CYP46A1: variants seen among roughly 807,000 people sequenced by gnomAD.
CYP46A1 encodes the protein cholesterol 24-hydroxylase.
CYP46A1 carries 20 observed loss-of-function variants against 63.3 expected under a neutral mutation model. The observed-to-expected ratio is 0.32, with a 90% CI of 0.22 to 0.46. The LOEUF is 0.46. CYP46A1 is among the 20% of genes least tolerant of loss of function. The pLI is 1.00. For missense variants in CYP46A1, 445 were observed against 670.8 expected (o/e 0.66, Z 3.72); for synonymous variants, 268 against 273.6 (o/e 0.98, Z 0.20).
chr14:99,713,878 A>C (rs145531511), intron 7 of CYP46A1, among the ~76,000 whole-genome samples: 18,239 of 149,576 alleles, frequency 0.12, 1,298 homozygotes, highest in Middle Eastern at 0.17. Flanking sequence ...AAAAAAAAAA[A>C]AAAAAAAAAA....
At chr14:99,706,880 T>A in intron 6 of CYP46A1, 95 bp downstream of exon 6, 2 of 1,437,662 alleles carry the variant, frequency 1.4e-6, no homozygotes, top group South Asian at 2.7e-5. Flanking sequence ...CCCTCCCTCC[T>A]GCTCCTCTAA....
chr14:99,711,413 C>G (rs2056730770), intron 7 of CYP46A1: 1 of 151,702 alleles, frequency 6.6e-6, no homozygotes, highest in Non-Finnish European at 1.5e-5. Flanking sequence ...AAAAAGAAGA[C>G]CCATATAAAT....
chr14:99,716,019 T>C, intron 8 of CYP46A1, 59 bp downstream of exon 8: 1 of 1,603,338 alleles, frequency 6.2e-7, no homozygotes, highest in Non-Finnish European at 8.5e-7. Context: ...GTTCCCCAGG[T>C]GATACATCGC....
At chr14:99,697,149 C>G (rs1394996129) in intron 3 of CYP46A1, among the ~76,000 whole-genome samples, 1 of 152,234 alleles carries the variant, frequency 6.6e-6, no homozygotes, top group Non-Finnish European at 1.5e-5. Context: ...GGCCAGTCTT[C>G]TGAAGTTCCA....
chr14:99,695,407 T>C (rs955679489), intron 3 of CYP46A1: 2 of 424,806 alleles, frequency 4.7e-6, no homozygotes, highest in African/African-American at 4.1e-5. Flanking sequence ...TTCATAATCA[T>C]AGATTTATCT....
intron 9 of CYP46A1, among the ~76,000 whole-genome samples, chr14:99,717,258 G>A (rs916652254): frequency 1.3e-5 from 2 of 152,112 alleles, no homozygotes; most frequent in Non-Finnish European, 1.5e-5. Flanking sequence ...TATTAATCCC[G>A]TCTCGTCCCT....
intron 13 of CYP46A1, 117 bp from the exon 14 acceptor site, chr14:99,726,073 A>G: frequency 3.4e-6 from 3 of 888,884 alleles, no homozygotes; most frequent in Non-Finnish European, 5.5e-6. Flanking sequence ...CAAAGTGCCC[A>G]GCCCCTGGCT....
chr14:99,710,958 C>T (rs1039927144), intron 7 of CYP46A1: 1 of 152,054 alleles, frequency 6.6e-6, no homozygotes, highest in African/African-American at 2.4e-5. Flanking sequence ...TATCAAGTAT[C>T]TTCTCAGACC....
chr14:99,707,751 A>G lies in CYP46A1; in HGVS notation c.693+73A>G, dbSNP rs761739246. ...CTTCATTTGCTGAAGAACCTCCTTC[A>G]GTGATTTTTTTTTTTTTTCCCAGAA... On this transcript the variant is annotated intron_variant, in intron 7 of 14. Transcript: ENST00000261835. 25 of 1,304,638 alleles carry G rather than the reference A, an allele frequency of 1.9e-5. No homozygotes were observed. In the African/African-American group the frequency reaches 3.6e-4, roughly 19 times the overall value. 80.8% of individuals were successfully genotyped at this position (1,304,638 alleles called of 1,614,324 possible).
At position 99,699,997 on chromosome 14, in the gene CYP46A1, C is replaced by A; in HGVS notation, c.357-18C>A. On this transcript the variant is annotated intron_variant, in intron 4 of 14. Transcript: ENST00000261835. ...ACCCCCCACCCTCTTTCCCGCATCA[C>A]GTGTGTGTCTCCTACAGACTCTTCG... 4.7e-6 allele frequency: 5 copies of A among 1,057,818 alleles called. No individual in the cohort carries two copies. Among genetic ancestry groups the A allele is most frequent in the East Asian group, 4.5e-5 (1 of 22,430 alleles). 65.5% of individuals were successfully genotyped at this position (1,057,818 alleles called of 1,614,324 possible).
chr14:99,701,545 T>G (rs2056630446), intron 5 of CYP46A1, among the ~76,000 whole-genome samples: 1 of 152,244 alleles, frequency 6.6e-6, no homozygotes, highest in Non-Finnish European at 1.5e-5. Flanking sequence ...AAGTATACTC[T>G]ATGCTGTACA....
intron 3 of CYP46A1, among the ~76,000 whole-genome samples, chr14:99,699,165 C>T (rs1331607634): frequency 1.3e-5 from 2 of 152,086 alleles, no homozygotes; most frequent in Non-Finnish European, 2.9e-5. Context: ...TGTTTTGCTG[C>T]TTTGGAAGGT....
intron 1 of CYP46A1, 40 bp from the exon 2 acceptor site, chr14:99,691,041 G>A (rs754593932): frequency 1.6e-5 from 26 of 1,595,590 alleles, no homozygotes; most frequent in Non-Finnish European, 2.1e-5. Flanking sequence ...GTTCTTTCCT[G>A]TTGACTGCTG....
chr14:99,694,750 C>G (rs2056573229), intron 3 of CYP46A1, among the ~76,000 whole-genome samples: 1 of 152,196 alleles, frequency 6.6e-6, no homozygotes, highest in Admixed American at 6.5e-5. Context: ...ATTTGCCTGC[C>G]TCAGCCTCCC....
intron 14 of CYP46A1, 33 bp from the exon 15 acceptor site, chr14:99,726,521 CCTT>C (rs1296190423): frequency 6.6e-7 from 1 of 1,522,850 alleles, no homozygotes; most frequent in East Asian, 2.4e-5. Flanking sequence ...TGTCTTTGCT[CCTT>C]CATTCCTTCC....
At chr14:99,707,744 C>T (rs774337493) in intron 7 of CYP46A1, 66 bp downstream of exon 7, 1 of 1,405,928 alleles carries the variant, frequency 7.1e-7, no homozygotes, top group Admixed American at 2.0e-5. Context: ...GCTGAAGAAC[C>T]TCCTTCAGTG....
chr14:99,703,549 C>G, intron 5 of CYP46A1: 1 of 983,290 alleles, frequency 1.0e-6, no homozygotes. Context: ...AACCACTGTG[C>G]TTTTTCTGGC....
chr14:99,691,838 G>C lies in CYP46A1; in HGVS notation c.259G>C (p.Val87Leu), dbSNP rs781586799. Residue 87 changes from valine to leucine, a missense_variant, in exon 3 of 15, where the codon GTC becomes CTC. Around this residue, in one of 4 missense-constraint regions of CYP46A1, gnomAD observed 252 missense variants for 383.3 expected, o/e 0.66. Transcript: ENST00000261835. The part of the protein sequence containing the change: ...VNVFHKTSVI[V>L]TSPESVKKFL... Reference sequence around the variant, plus strand: ...CGTCTTCCACAAAACCTCAGTCATCGTCACGAGTCCTGAGTCGGTTAAGGT... The same window carrying C: ...CGTCTTCCACAAAACCTCAGTCATCCTCACGAGTCCTGAGTCGGTTAAGGT... 6.2e-7 allele frequency: 1 copy of C among 1,614,074 alleles called. No individual in the cohort carries two copies. Among genetic ancestry groups the C allele is most frequent in the Admixed American group, 1.7e-5 (1 of 60,008 alleles).
At chr14:99,688,364 CA>C (rs1299448960) in intron 1 of CYP46A1, among the ~76,000 whole-genome samples, 1 of 152,152 alleles carries the variant, frequency 6.6e-6, no homozygotes, top group African/African-American at 2.4e-5. Context: ...CTTCAGTCCC[CA>C]TCACCTCCCC....
Sources: gnomAD v4.1 joint callset for allele counts (sites outside exome capture counted in the v4.1 genomes callset) on GRCh38, gnomAD v4.1.1 for gene constraint, gnomAD v4.1.1 regional missense constraint, MANE v1.5 for transcripts, NCBI Gene and HGNC (gene_info 2026-07-23, HGNC 2026-07-21) for gene names.